Variants in QTMAN observed in about 807,000 individuals in gnomAD.
The protein encoded by QTMAN is queuosine-tRNA mannosyltransferase, also known as tRNA-queuosine alpha-mannosyltransferase.
chr2:144,165,275 C>G, the QTMAN span, among the ~76,000 whole-genome samples: 1 of 152,042 alleles, frequency 6.6e-6, no homozygotes, highest in African/African-American at 2.4e-5. Context: ...GAGGCTGAGG[C>G]TGGAGAATCG....
chr2:144,124,606 G>C, the QTMAN span, among the ~76,000 whole-genome samples: 491 of 152,118 alleles, frequency 3.2e-3, 1 homozygote, highest in African/African-American at 0.01. Flanking sequence ...AGCTATCCCT[G>C]GTGCAGGTTT....
chr2:144,082,813 A>G, the QTMAN span, among the ~76,000 whole-genome samples: 1 of 152,078 alleles, frequency 6.6e-6, no homozygotes, highest in African/African-American at 2.4e-5. Flanking sequence ...TTTAGTCACA[A>G]AACATTTTTA....
At chr2:144,182,164 T>A in the QTMAN span, among the ~76,000 whole-genome samples, 1 of 152,130 alleles carries the variant, frequency 6.6e-6, no homozygotes, top group Non-Finnish European at 1.5e-5. Context: ...CACAGCACAA[T>A]GAAAAATATT....
At chr2:143,952,677 C>A in the QTMAN span, 6 of 898,388 alleles carry the variant, frequency 6.7e-6, no homozygotes, top group Middle Eastern at 3.0e-4. Context: ...GCCAAATAAA[C>A]AATTGCTCCT....
the QTMAN span, among the ~76,000 whole-genome samples, chr2:144,253,547 T>C: frequency 5.5e-4 from 84 of 152,206 alleles, 1 homozygote; most frequent in African/African-American, 1.4e-3. Context: ...TGGTCTCAGA[T>C]GGAGATGAGG....
At chr2:143,968,648 G>A in the QTMAN span, among the ~76,000 whole-genome samples, 1 of 152,118 alleles carries the variant, frequency 6.6e-6, no homozygotes, top group Non-Finnish European at 1.5e-5. Context: ...CTGATGGGGG[G>A]AATTTCCTCC....
the QTMAN span, among the ~76,000 whole-genome samples, chr2:144,312,573 C>T: frequency 6.6e-6 from 1 of 152,226 alleles, no homozygotes; most frequent in Non-Finnish European, 1.5e-5. Flanking sequence ...TTCTCCTCCC[C>T]TCCAGGAACA....
chr2:144,146,350 G>A, the QTMAN span, among the ~76,000 whole-genome samples: 1 of 150,632 alleles, frequency 6.6e-6, no homozygotes, highest in Non-Finnish European at 1.5e-5. Flanking sequence ...AATGGTACCA[G>A]ATGCATCATC....
chr2:143,947,265 G>A, the QTMAN span: 3 of 669,836 alleles, frequency 4.5e-6, no homozygotes, highest in Non-Finnish European at 7.9e-6. Flanking sequence ...AAGCCACCAA[G>A]TAAATGGTTC....
At chr2:143,989,285 T>C in the QTMAN span, among the ~76,000 whole-genome samples, 1 of 152,054 alleles carries the variant, frequency 6.6e-6, no homozygotes, top group Non-Finnish European at 1.5e-5. Flanking sequence ...AATCCATTCA[T>C]AGAACTGAGT....
At chr2:144,019,750 G>A in the QTMAN span, among the ~76,000 whole-genome samples, 1 of 152,164 alleles carries the variant, frequency 6.6e-6, no homozygotes, top group African/African-American at 2.4e-5. Context: ...GCAAGGGTGA[G>A]TGAAGTGAAA....
chr2:144,254,914 A>G, the QTMAN span, among the ~76,000 whole-genome samples: 294 of 152,354 alleles, frequency 1.9e-3, 1 homozygote, highest in African/African-American at 6.6e-3. Flanking sequence ...TCAGACTTGC[A>G]TGGGGCCTGT....
chr2:144,263,406 T>G, the QTMAN span, among the ~76,000 whole-genome samples: 3 of 152,138 alleles, frequency 2.0e-5, no homozygotes, highest in Non-Finnish European at 4.4e-5. Flanking sequence ...TCTGGACATG[T>G]TGTCACTATA....
chr2:144,165,004 G>A, the QTMAN span, among the ~76,000 whole-genome samples: 1 of 152,098 alleles, frequency 6.6e-6, no homozygotes, highest in Admixed American at 6.5e-5. Flanking sequence ...AAAAACACAT[G>A]ATGTTTTAAA....
At chr2:144,117,213 G>A in the QTMAN span, among the ~76,000 whole-genome samples, 1 of 152,074 alleles carries the variant, frequency 6.6e-6, no homozygotes, top group Non-Finnish European at 1.5e-5. Context: ...CTGTTTTCAC[G>A]CTGACAGTAG....
chr2:144,165,985 C>T, the QTMAN span, among the ~76,000 whole-genome samples: 1 of 152,076 alleles, frequency 6.6e-6, no homozygotes, highest in African/African-American at 2.4e-5. Context: ...CATCTAGCTA[C>T]AGAATCATGC....
At chr2:144,267,599 TA>T in the QTMAN span, among the ~76,000 whole-genome samples, 1 of 152,182 alleles carries the variant, frequency 6.6e-6, no homozygotes. Flanking sequence ...AATTCACAGA[TA>T]AGAGAAAAGC....
chr2:144,310,241 C>G, the QTMAN span, among the ~76,000 whole-genome samples: 14 of 152,226 alleles, frequency 9.2e-5, no homozygotes, highest in African/African-American at 2.9e-4. Flanking sequence ...GCAAAAGCCC[C>G]AAGGCCAGCT....
the QTMAN span, among the ~76,000 whole-genome samples, chr2:144,029,458 T>A: frequency 6.6e-6 from 1 of 152,234 alleles, no homozygotes; most frequent in Non-Finnish European, 1.5e-5. Flanking sequence ...GTTGTGAGGA[T>A]GGCAAACAAC....
Sources: gnomAD v4.1 joint callset for allele counts (sites outside exome capture counted in the v4.1 genomes callset) on GRCh38, gnomAD v4.1.1 for gene constraint, MANE v1.5 for transcripts, NCBI Gene and HGNC (gene_info 2026-07-23, HGNC 2026-07-21) for gene names.